OBSL1: variants seen among roughly 807,000 people sequenced by gnomAD.
OBSL1 encodes the protein obscurin like cytoskeletal adaptor 1.
OBSL1 carries 160 observed loss-of-function variants against 172.0 expected under a neutral mutation model. The ratio of observed to expected loss-of-function variants is 0.93; its 90% CI spans 0.82 to 1.06. The LOEUF is 1.06. Ranked by LOEUF, OBSL1 falls within the 50% of genes least tolerant of loss-of-function variation. OBSL1 has a pLI of 0.00. For synonymous variants in OBSL1, 1,200 were observed against 1,196.3 expected, an observed-to-expected ratio of 1.00 and a Z score of -0.06; for missense variants, 2,681 against 2,715.4, an observed-to-expected ratio of 0.99 and a Z score of 0.28.
intron 16 of OBSL1, 142 bp downstream of exon 16, chr2:219,553,432 C>T: frequency 1.4e-6 from 1 of 711,462 alleles, no homozygotes; most frequent in Non-Finnish European, 2.5e-6. Flanking sequence ...TAGAGTTGTC[C>T]TTGGAGTAAG....
Position 219,559,210 on chromosome 2 carries a change from G to T in OBSL1, c.3226+15C>A. ...TACCTCTCTACCTCCTCTCTGTGCTGCAGAGACTGCCCACCTGTGACAGTG... is the reference window on the plus strand; with the variant it reads ...TACCTCTCTACCTCCTCTCTGTGCTTCAGAGACTGCCCACCTGTGACAGTG... On this transcript the variant is annotated intron_variant, in intron 9 of 20. Transcript: ENST00000404537. 1 of 1,587,378 alleles carries T rather than the reference G, an allele frequency of 6.3e-7. No homozygotes were observed.
intron 8 of OBSL1, chr2:219,562,100 C>G: frequency 1.4e-6 from 1 of 700,712 alleles, no homozygotes; most frequent in Non-Finnish European, 2.7e-6. Flanking sequence ...CCTCACCTAG[C>G]CTGGCAGCTC....
downstream of OBSL1, chr2:219,548,176 A>T: frequency 4.2e-6 from 5 of 1,184,216 alleles, no homozygotes; most frequent in Non-Finnish European, 5.7e-6. Flanking sequence ...CAGCAGCAGA[A>T]GGCCTCGATG....
In OBSL1 at chr2:219,571,527, G is replaced by A; in HGVS notation, c.-295C>T. The A allele has an allele frequency of 4.2e-6, 1 of 237,846 alleles. No individual in the cohort carries two copies. Among genetic ancestry groups the A allele is most frequent in the Non-Finnish European group, 8.1e-6 (1 of 123,818 alleles). 14.7% of individuals were successfully genotyped at this position (237,846 alleles called of 1,614,324 possible). A position where few individuals can be genotyped will look rare whatever the true frequency, so the allele number is the denominator to read the frequency against. ...CGCAGCCTCCCCTGCCCGCTGCCTG[G>A]CTTCCTGCTCTTAGGAGCCTCTCTT... On this transcript the variant is annotated 5_prime_UTR_variant, in exon 1 of 21. Transcript: ENST00000404537.
At position 219,567,750 on chromosome 2, in the gene OBSL1, T is replaced by A. The variant is rs761751793; in HGVS notation, c.1502A>T (p.Asn501Ile). The A allele has an allele frequency of 6.2e-7, 1 of 1,612,832 alleles. No homozygotes were observed. The highest frequency in any genetic ancestry group is 8.5e-7 in the Non-Finnish European group (1 of 1,179,132). The change falls in exon 3 of 21, where the codon AAC becomes ATC. Residue 501 changes from asparagine to isoleucine, a missense_variant. Coordinates refer to ENST00000404537, the MANE Select transcript of OBSL1 (RefSeq NM_015311.3). ...DAGEVTFSLG[N>I]SRTTTLLRVK... ...TCTGAGAAGCGTAGTGGTACGGGAG[T>A]TGCCCAGGCTAAAGGTGACCTCGCC...
rs1559159150 is a variant in OBSL1, at chr2:219,570,440, ACTTGGCGTGCTTGC to A, written c.779_792del (p.Gly260ValfsTer90). The A allele has an allele frequency of 6.2e-7, 1 of 1,612,846 alleles. No individual in the cohort carries two copies. Among genetic ancestry groups the A allele is most frequent in the Non-Finnish European group, 8.5e-7 (1 of 1,179,500 alleles). ...GGCTTGCCCATCACGTAGCAGCGGA[ACTTGGCGTGCTTGC>A]CCTCGTTCACCCAGAAGGTCTTAGG... On this transcript the variant is annotated frameshift_variant, in exon 1 of 21. Coordinates refer to ENST00000404537, the MANE Select transcript of OBSL1 (RefSeq NM_015311.3). LOFTEE classifies it high-confidence loss of function.
chr2:219,569,357 T>C (rs1038328643), intron 1 of OBSL1: 4 of 152,170 alleles, frequency 2.6e-5, no homozygotes, highest in African/African-American at 9.7e-5. Flanking sequence ...CAACTTTTTT[T>C]CCTCTAAGAG....
intron 11 of OBSL1, 80 bp downstream of exon 11, chr2:219,557,743 A>G: frequency 6.5e-7 from 1 of 1,544,130 alleles, no homozygotes; most frequent in African/African-American, 1.4e-5. Flanking sequence ...CATGCTGGAA[A>G]AGCAGGAATC....
chr2:219,565,699 G>C (rs1696837190), intron 5 of OBSL1, among the ~76,000 whole-genome samples, 185 bp from the exon 6 acceptor site: 1 of 152,176 alleles, frequency 6.6e-6, no homozygotes, highest in Non-Finnish European at 1.5e-5. Flanking sequence ...TAAAAATGCA[G>C]AATTCTTGGA....
At position 219,570,555 on chromosome 2, in the gene OBSL1, C is replaced by A. The variant is rs1231586144; in HGVS notation, c.678G>T (p.Val226=). 1 of 1,581,158 alleles carries A rather than the reference C, an allele frequency of 6.3e-7. No homozygotes were observed. Among genetic ancestry groups the A allele is most frequent in the Non-Finnish European group, 8.6e-7 (1 of 1,165,632 alleles). ...GHAQAGALLQ[V]HQPPESPPAD... is the part of the protein sequence containing the mutation. ...CGGGCGGGCTCTCGGGGGGCTGGTG[C>A]ACCTGGAGCAGCGCCCCCGCCTGCG... Residue 226 remains valine (V), a synonymous_variant, in exon 1 of 21, where the codon GTG becomes GTT. Coordinates refer to ENST00000404537, the MANE Select transcript of OBSL1 (RefSeq NM_015311.3).
intron 8 of OBSL1, chr2:219,559,748 G>A: frequency 2.0e-6 from 1 of 488,654 alleles, no homozygotes; most frequent in Non-Finnish European, 3.6e-6. Flanking sequence ...GCCCCCACGG[G>A]AGCCTCCCCC....
At position 219,562,544 on chromosome 2, in the gene OBSL1, C is replaced by T; in HGVS notation, c.2811G>A (p.Glu937=). The T allele has an allele frequency of 6.2e-7, 1 of 1,613,914 alleles. No individual in the cohort carries two copies. Among genetic ancestry groups the T allele is most frequent in the Non-Finnish European group, 8.5e-7 (1 of 1,179,864 alleles). The change falls in exon 8 of 21, where the codon GAG becomes GAA. Residue 937 remains glutamate, a synonymous_variant. Coordinates refer to ENST00000404537, the MANE Select transcript of OBSL1 (RefSeq NM_015311.3). ...GGAGCAGCGCGGGGCTCTCCACCAC[C>T]TCCTCTCCATCCTTGGTCCAGCGCA... The part of the protein sequence containing the change: ...AEVRWTKDGE[E]VVESPALLLQ...
At chr2:219,561,985 A>T (rs1696510063) in intron 8 of OBSL1, 1 of 717,462 alleles carries the variant, frequency 1.4e-6, no homozygotes, top group African/African-American at 1.7e-5. Context: ...TTGTTATTTG[A>T]ACTGTCCTGA....
chr2:219,564,802 A>G (rs976840642), intron 6 of OBSL1, among the ~76,000 whole-genome samples: 1 of 152,326 alleles, frequency 6.6e-6, no homozygotes, highest in South Asian at 2.1e-4. Context: ...AAAGCCAGGC[A>G]TGGTGGCTCA....
chr2:219,562,788 C>T lies in OBSL1; in HGVS notation c.2681-114G>A, dbSNP rs188358858. On this transcript the variant is annotated intron_variant, in intron 7 of 20. Coordinates refer to ENST00000404537, the MANE Select transcript of OBSL1 (RefSeq NM_015311.3). ...AGGCCATGTGTTGAAGAGGGACCTT[C>T]CTGAGACCAAATCTCACAGCAGCTG... is the stretch of plus-strand genomic sequence containing the variant. The T allele has an allele frequency of 1.3e-3, 1,532 of 1,139,524 alleles. 14 individuals are homozygous for T. The African/African-American group carries it at 0.02, about 15-fold the overall frequency. The allele number at this position is 1,139,524 out of a possible 1,614,324, so 70.6% of individuals were successfully genotyped here. A position where few individuals can be genotyped will look rare whatever the true frequency, so the allele number is the denominator to read the frequency against.
chr2:219,555,869 T>A (rs773256952), intron 14 of OBSL1, 151 bp downstream of exon 14: 66 of 1,447,586 alleles, frequency 4.6e-5, no homozygotes, highest in Non-Finnish European at 5.7e-5. Flanking sequence ...AAAGAAAAGT[T>A]TTGCTTTGGG....
chr2:219,548,203 T>G (rs2105995465), downstream of OBSL1: 1 of 933,292 alleles, frequency 1.1e-6, no homozygotes, highest in East Asian at 2.7e-5. Context: ...GAGAGCTGAC[T>G]TGCTCAGGGT....
rs553048697 is a variant in OBSL1 at position 219,568,413 on chromosome 2, G to T, written c.1013-89C>A. 3.0e-5 allele frequency: 38 copies of T among 1,269,218 alleles called. No homozygotes were observed. The African/African-American group carries it at 5.2e-4, about 17-fold the overall frequency. The allele number at this position is 1,269,218 out of a possible 1,614,324, so 78.6% of individuals were successfully genotyped here. A position where few individuals can be genotyped will look rare whatever the true frequency, so the allele number is the denominator to read the frequency against. ...ACCTAGAAGCGCATTAGCTCATGCT[G>T]TGTGCTCTTCATGCAGAGCCAGCGG... On this transcript the variant is annotated intron_variant, in intron 1 of 20. Coordinates refer to ENST00000404537, the MANE Select transcript of OBSL1 (RefSeq NM_015311.3). This position sits in a 1 kb window ranked among gnomAD's most constrained non-coding sequence, Gnocchi z 4.1.
chr2:219,552,416 C>G lies in OBSL1; in HGVS notation c.5308+120G>C. The G allele has an allele frequency of 3.8e-6, 4 of 1,066,472 alleles. 1 individual carries two copies. The South Asian group carries it at 6.3e-5, about 17-fold the overall frequency. 66.1% of individuals were successfully genotyped at this position (1,066,472 alleles called of 1,614,324 possible). ...CGGGGGAAAGAACAGGGACGAGGCT[C>G]ACAGGGCCGTGGGGCGGGGCCCGTC... On this transcript the variant is annotated intron_variant, in intron 18 of 20. Transcript: ENST00000404537.
Sources: gnomAD v4.1 joint callset for allele counts (sites outside exome capture counted in the v4.1 genomes callset) on GRCh38, gnomAD v4.1.1 for gene constraint, Gnocchi (gnomAD v3.1) non-coding constraint, MANE v1.5 for transcripts, NCBI Gene and HGNC (gene_info 2026-07-23, HGNC 2026-07-21) for gene names.